SPATA31C1: variants seen among roughly 807,000 people sequenced by gnomAD.
The protein encoded by SPATA31C1 is SPATA31 subfamily C member 1.
At chr9:87,921,196 G>A (rs776557115) in exon 5 of SPATA31C1, 3 of 1,611,928 alleles carry the variant, frequency 1.9e-6, no homozygotes, top group Admixed American at 3.3e-5. Flanking sequence ...GACGTCTTTA[G>A]TGTCTCCACT....
At chr9:87,920,914 G>T (rs144903965) in exon 5 of SPATA31C1, 2 of 1,612,180 alleles carry the variant, frequency 1.2e-6, no homozygotes, top group African/African-American at 2.7e-5. Context: ...TCCCATCTGG[G>T]GCCTGAGTCC....
chr9:87,916,247 A>C (rs1412899492), intron 1 of SPATA31C1, among the ~76,000 whole-genome samples: 1 of 133,134 alleles, frequency 7.5e-6, no homozygotes, highest in Non-Finnish European at 1.6e-5. Flanking sequence ...GGAAGACTCC[A>C]TCTCAAAAAA....
rs747103585 is a variant in SPATA31C1 at position 87,920,901 on chromosome 9, C to T, written n.1291C>T. The T allele has an allele frequency of 1.1e-5, 17 of 1,613,174 alleles. No individual in the cohort carries two copies. The African/African-American group carries it at 1.9e-4, about 18-fold the overall frequency. ...CCCACTGCTTTTCCAGGCCCAGCCC[C>T]TGTCCCATCTGGGGCCTGAGTCCCA... On this transcript the variant is annotated non_coding_transcript_exon_variant, in exon 5 of 5. Transcript: ENST00000420021.
At position 87,922,291 on chromosome 9, in the gene SPATA31C1, C is replaced by T. The variant is rs748150158; in HGVS notation, n.2681C>T. The T allele has an allele frequency of 3.7e-6, 6 of 1,612,026 alleles. No individual in the cohort carries two copies. In the African/African-American group the frequency reaches 8.0e-5, roughly 22 times the overall value. On this transcript the variant is annotated non_coding_transcript_exon_variant, in exon 5 of 5. Coordinates refer to ENST00000420021, the Ensembl canonical transcript of SPATA31C1. ...ACCCAGCAGAGCAGGAGCTTAGGAG[C>T]CCAATCTTCAAGGGCTGGAGAGACC...
At chr9:87,923,296 G>C in exon 5 of SPATA31C1, 1 of 1,603,592 alleles carries the variant, frequency 6.2e-7, no homozygotes, top group East Asian at 2.2e-5. Context: ...AACCAGAGTC[G>C]TCCCAACAGA....
chr9:87,919,955 A>G (rs1412494928), exon 4 of SPATA31C1: 1 of 1,607,700 alleles, frequency 6.2e-7, no homozygotes, highest in South Asian at 1.1e-5. Context: ...GAGACTTGGG[A>G]CCTGCTTTCA....
At chr9:87,919,286 C>G in intron 2 of SPATA31C1, 1 of 1,589,856 alleles carries the variant, frequency 6.3e-7, no homozygotes, top group Non-Finnish European at 8.5e-7. Context: ...CATCTTGTCT[C>G]CCAGTGTCCA....
chr9:87,916,325 A>C (rs1336749513), intron 1 of SPATA31C1, among the ~76,000 whole-genome samples: 2 of 146,384 alleles, frequency 1.4e-5, no homozygotes, highest in Non-Finnish European at 3.0e-5. Flanking sequence ...AGGTCCTAGG[A>C]CTTGATGAAT....
exon 5 of SPATA31C1, chr9:87,921,679 G>A (rs778933544): frequency 1.2e-6 from 2 of 1,612,040 alleles, no homozygotes; most frequent in Non-Finnish European, 8.5e-7. Flanking sequence ...AGAAAGTTGG[G>A]CCAGACCAAC....
chr9:87,919,303 C>T (rs764894293), exon 3 of SPATA31C1: 70 of 1,414,484 alleles, frequency 4.9e-5, no homozygotes, highest in African/African-American at 1.1e-4. Flanking sequence ...TCCAACAGGG[C>T]GGAGGGGGAG....
exon 5 of SPATA31C1, chr9:87,922,536 C>G (rs1268454990): frequency 6.2e-7 from 1 of 1,610,758 alleles, no homozygotes; most frequent in Non-Finnish European, 8.5e-7. Context: ...AGAGACCCAG[C>G]CTCAAGTTTC....
intron 1 of SPATA31C1, among the ~76,000 whole-genome samples, chr9:87,916,646 A>T (rs623162): frequency 0.55 from 63,390 of 114,534 alleles, 16,335 homozygotes; most frequent in African/African-American, 0.69. Flanking sequence ...GAAAATAAAA[A>T]AACTTTTATC....
intron 1 of SPATA31C1, among the ~76,000 whole-genome samples, chr9:87,915,813 C>T (rs1326828670): frequency 2.1e-5 from 3 of 145,250 alleles, no homozygotes; most frequent in Non-Finnish European, 3.1e-5. Context: ...GTCTTGATTT[C>T]TGTAGCTATG....
exon 5 of SPATA31C1, chr9:87,921,456 A>G (rs1009332078): frequency 2.3e-5 from 37 of 1,611,788 alleles, no homozygotes; most frequent in Middle Eastern, 2.3e-4. Flanking sequence ...CCAGCTAGAG[A>G]GGGACCCATG....
At position 87,922,783 on chromosome 9, in the gene SPATA31C1, C is replaced by T. The variant is rs780729903; in HGVS notation, n.3173C>T. The T allele has an allele frequency of 7.5e-5, 120 of 1,606,250 alleles. 2 individuals are homozygous for T. The South Asian group carries it at 9.9e-4, about 13-fold the overall frequency. ...AGCCAAAGCCCAATGTTTCCCCCTA[C>T]TCACAAGAGGGAGAACTCTAGGAAG... On this transcript the variant is annotated non_coding_transcript_exon_variant, in exon 5 of 5. Transcript: ENST00000420021.
exon 5 of SPATA31C1, chr9:87,921,002 C>A: frequency 6.2e-7 from 1 of 1,612,650 alleles, no homozygotes. Flanking sequence ...ATCTTCAATC[C>A]TCTTTCCCAG....
intron 3 of SPATA31C1, 103 bp downstream of exon 2, chr9:87,919,451 T>C: frequency 6.6e-7 from 1 of 1,510,008 alleles, no homozygotes; most frequent in South Asian, 1.2e-5. Context: ...TGGGGGCTCC[T>C]AGGAAGGAAA....
exon 5 of SPATA31C1, chr9:87,922,637 C>T: frequency 6.2e-7 from 1 of 1,608,820 alleles, no homozygotes; most frequent in Non-Finnish European, 8.5e-7. Flanking sequence ...AGGGCCATCT[C>T]CAGAGCACGC....
chr9:87,920,683 T>G, exon 5 of SPATA31C1: 1 of 1,613,972 alleles, frequency 6.2e-7, no homozygotes, highest in South Asian at 1.1e-5. Flanking sequence ...GCACTTCCAC[T>G]GGACACCGTC....
Sources: allele counts gnomAD v4.1 joint callset (sites outside exome capture counted in the v4.1 genomes callset), GRCh38; gene constraint gnomAD v4.1.1; transcripts MANE v1.5; gene names NCBI Gene and HGNC (gene_info 2026-07-23, HGNC 2026-07-21).